The following ENPEP variants were observed in gnomAD, a reference collection of about 807,000 sequenced individuals.
The protein encoded by ENPEP is glutamyl aminopeptidase.
In ENPEP, 103 loss-of-function variants were observed where a neutral mutation model predicts 114.5. The observed-to-expected ratio is 0.90, with a 90% CI of 0.77 to 1.06. The LOEUF (loss-of-function observed/expected upper bound fraction) is 1.06, where lower values mean the gene tolerates loss of function less well. Ranked by LOEUF, ENPEP falls within the 50% of genes least tolerant of loss-of-function variation. The pLI is 0.00. For synonymous variants in ENPEP, 420 were observed against 422.0 expected (o/e 1.00, Z 0.06); for missense variants, 1,196 against 1,161.3 (o/e 1.03, Z -0.43).
At chr4:110,508,226 G>A (rs943606218) in intron 4 of ENPEP, among the ~76,000 whole-genome samples, 6 of 128,240 alleles carry the variant, frequency 4.7e-5, no homozygotes, top group African/African-American at 1.7e-4. Flanking sequence ...ACTCCAAAGA[G>A]TTAAATATAC....
At chr4:110,523,761 G>A (rs1324713802) in intron 10 of ENPEP, among the ~76,000 whole-genome samples, 1 of 152,224 alleles carries the variant, frequency 6.6e-6, no homozygotes, top group East Asian at 1.9e-4. Context: ...AGGGAGAAAA[G>A]GTGGGAGAAA....
intron 6 of ENPEP, among the ~76,000 whole-genome samples, chr4:110,511,364 A>G (rs1211702997): frequency 2.0e-5 from 3 of 151,990 alleles, no homozygotes; most frequent in Non-Finnish European, 4.4e-5. Flanking sequence ...AGCATCCCAG[A>G]CTTCTATTAA....
chr4:110,548,122 T>C (rs1727136290), intron 13 of ENPEP, 54 bp from the exon 14 acceptor site: 2 of 1,368,446 alleles, frequency 1.5e-6, no homozygotes, highest in African/African-American at 3.0e-5. Context: ...AAGTCTGTGG[T>C]TTTTAATTAA....
intron 3 of ENPEP, among the ~76,000 whole-genome samples, chr4:110,504,856 C>T (rs1725313075): frequency 1.3e-5 from 2 of 152,168 alleles, no homozygotes; most frequent in Admixed American, 1.3e-4. Context: ...TGTCTCCTTC[C>T]CATTGCTCCA....
chr4:110,499,243 T>A (rs1321609671), intron 3 of ENPEP, among the ~76,000 whole-genome samples: 3 of 152,196 alleles, frequency 2.0e-5, no homozygotes, highest in Admixed American at 1.3e-4. Context: ...ATGGGACACA[T>A]AGAACTATTA....
At position 110,553,587 on chromosome 4, in the gene ENPEP, A is replaced by G. The variant is rs929987616; in HGVS notation, c.2642+132A>G. 5 of 868,432 alleles carry G rather than the reference A, an allele frequency of 5.8e-6. No homozygotes were observed. In the Admixed American group the frequency reaches 8.6e-5, roughly 15 times the overall value. The allele number at this position is 868,432 out of a possible 1,614,324, so 53.8% of individuals were successfully genotyped here. On this transcript the variant is annotated intron_variant, in intron 18 of 19. Transcript: ENST00000265162. Reference sequence around the variant, plus strand: ...ATGGCATTATTAGAGGTAAAGGATCATGGTATTATCCTTCCAGGGAAGCAA... The same window carrying G: ...ATGGCATTATTAGAGGTAAAGGATCGTGGTATTATCCTTCCAGGGAAGCAA...
intron 3 of ENPEP, among the ~76,000 whole-genome samples, chr4:110,503,755 G>A (rs911742218): frequency 1.3e-5 from 2 of 152,114 alleles, no homozygotes; most frequent in African/African-American, 4.8e-5. Context: ...TTCTTTCCTG[G>A]ATGTTTTCAG....
chr4:110,503,668 G>A (rs1725249918), intron 3 of ENPEP, among the ~76,000 whole-genome samples: 1 of 152,198 alleles, frequency 6.6e-6, no homozygotes, highest in African/African-American at 2.4e-5. Flanking sequence ...TTTCTCATCT[G>A]TGTGGGCTGA....
intron 3 of ENPEP, among the ~76,000 whole-genome samples, chr4:110,503,570 A>AAG (rs1318883474): frequency 6.6e-6 from 1 of 152,136 alleles, no homozygotes; most frequent in African/African-American, 2.4e-5. Context: ...CAGTCTGGTT[A>AAG]AGAACCCTTG....
rs570086578 is a variant in ENPEP, at chr4:110,496,849, C to T, written c.918+5685C>T. 5.3e-5 allele frequency among the ~76,000 whole-genome samples: 8 copies of T among 152,268 alleles called. No individual in the cohort carries two copies. In the South Asian group the frequency reaches 1.7e-3, roughly 32 times the overall value. Reference sequence around the variant, plus strand: ...TCCTCATGACTTATTCCTGGTGATGCTAACTTTGATCACTTGGTTGAGATG... The same window carrying T: ...TCCTCATGACTTATTCCTGGTGATGTTAACTTTGATCACTTGGTTGAGATG... On this transcript the variant is annotated intron_variant, in intron 3 of 19. Coordinates refer to ENST00000265162, the MANE Select transcript of ENPEP (RefSeq NM_001977.4).
intron 3 of ENPEP, among the ~76,000 whole-genome samples, chr4:110,498,706 C>T (rs908381171): frequency 4.6e-5 from 7 of 152,088 alleles, no homozygotes; most frequent in African/African-American, 1.4e-4. Flanking sequence ...ACCCAGGTGA[C>T]GGTGGCAGTG....
intron 1 of ENPEP, 130 bp from the exon 2 acceptor site, chr4:110,488,411 T>A (rs1185036109): frequency 8.1e-7 from 1 of 1,235,924 alleles, no homozygotes; most frequent in Admixed American, 3.6e-5. Context: ...GTCTTCTAGA[T>A]GGAACCTCAT....
At chr4:110,557,513 G>A (rs978513927) in intron 18 of ENPEP, among the ~76,000 whole-genome samples, 6 of 152,192 alleles carry the variant, frequency 3.9e-5, no homozygotes, top group African/African-American at 1.4e-4. Flanking sequence ...CAGCAATGGG[G>A]AGCATGAGCA....
intron 1 of ENPEP, among the ~76,000 whole-genome samples, chr4:110,480,318 C>G (rs1456009846): frequency 6.6e-6 from 1 of 152,158 alleles, no homozygotes; most frequent in African/African-American, 2.4e-5. Flanking sequence ...AAAAGTGCAT[C>G]ATGCTTTTTT....
chr4:110,551,092 TAAAAAAAAAA>T (rs569706672), intron 17 of ENPEP, among the ~76,000 whole-genome samples: 1 of 132,328 alleles, frequency 7.6e-6, no homozygotes, highest in Non-Finnish European at 1.6e-5. Flanking sequence ...CGTATCTATT[TAAAAAAAAAA>T]AAAAAAAAAG....
In ENPEP at chr4:110,553,334, G is replaced by A. The variant is rs759854157; in HGVS notation, c.2521G>A (p.Asp841Asn). The change falls in exon 18 of 20, where the codon GAC (aspartate) becomes AAC (asparagine). Residue 841 changes from aspartate to asparagine, a missense_variant. Transcript: ENST00000265162. ...LLSRYLDLLK[D>N]TNLIKTQDVF... ...TCTTAGGTATTTGGATTTGCTCAAG[G>A]ACACGAACCTTATTAAAACTCAGGA... The A allele has an allele frequency of 1.9e-6, 3 of 1,598,774 alleles. No homozygotes were observed. The South Asian group carries it at 3.4e-5, about 18-fold the overall frequency.
chr4:110,534,538 G>A (rs547424886), intron 11 of ENPEP, among the ~76,000 whole-genome samples: 32 of 14,342 alleles, frequency 2.2e-3, no homozygotes, highest in African/African-American at 8.0e-3. Context: ...ACAGAGTTTT[G>A]TTCTTGTTGC....
chr4:110,479,888 T>C (rs1221150118), intron 1 of ENPEP, among the ~76,000 whole-genome samples: 2 of 152,210 alleles, frequency 1.3e-5, no homozygotes, highest in African/African-American at 4.8e-5. Flanking sequence ...ATTGGAACTA[T>C]GTAGTCTCCA....
chr4:110,513,329 T>G, intron 6 of ENPEP, 86 bp from the exon 7 acceptor site: 1 of 1,414,172 alleles, frequency 7.1e-7, no homozygotes, highest in Non-Finnish European at 9.4e-7. Context: ...TTTATTTTCC[T>G]CCAATTTTTC....
Sources: allele counts gnomAD v4.1 joint callset (sites outside exome capture counted in the v4.1 genomes callset), GRCh38; gene constraint gnomAD v4.1.1; transcripts MANE v1.5; gene names NCBI Gene and HGNC (gene_info 2026-07-23, HGNC 2026-07-21).